Variants in PHRF1 observed in about 807,000 individuals in gnomAD.
PHRF1 encodes the protein PHD and RING finger domain-containing protein 1.
PHRF1 carries 53 observed loss-of-function variants against 128.9 expected under a neutral mutation model. The observed-to-expected ratio is 0.41, with a 90% CI of 0.33 to 0.52. The LOEUF is 0.52. Among genes scored for constraint, PHRF1 ranks in the 20% least tolerant of loss-of-function variants. PHRF1 has a pLI of 0.21. For missense variants in PHRF1, 2,503 were observed against 2,284.5 expected, an observed-to-expected ratio of 1.10 and a Z score of -1.95; for synonymous variants, 1,178 against 980.6, an observed-to-expected ratio of 1.20 and a Z score of -3.76.
Position 608,922 on chromosome 11 carries a change from C to A in PHRF1, c.3466C>A (p.Arg1156=). ...CAGGAAGGAGAGTGTGGCGTGGCCC[C>A]GAGACCGGAGGAAGCGGAGGTCCCG... The part of the protein sequence containing the change: ...PDRKESVAWP[R]DRRKRRSRSP... The change falls in exon 14 of 18, where the codon CGA becomes AGA. Residue 1156 remains arginine, a synonymous_variant. Transcript: ENST00000264555. 6.2e-7 allele frequency: 1 copy of A among 1,612,024 alleles called. No individual in the cohort carries two copies. The highest frequency in any genetic ancestry group is 8.5e-7 in the Non-Finnish European group (1 of 1,179,716).
In PHRF1 at chr11:610,659, G is replaced by A; in HGVS notation, c.4575G>A (p.Leu1525=). The A allele has an allele frequency of 6.2e-7, 1 of 1,604,138 alleles. No homozygotes were observed. The highest frequency in any genetic ancestry group is 8.5e-7 in the Non-Finnish European group (1 of 1,179,814). ...CCCTGGCCCCAGTGCCCGCTGCCCT[G>A]ACCCCAGCCTCAGAGCCAGCCAGTC... ...AQTLAPVPAA[L]TPASEPASQA... is the part of the protein sequence containing the mutation. The change falls in exon 16 of 18, where the codon CTG becomes CTA. Residue 1525 remains leucine (L), a synonymous_variant. Transcript: ENST00000264555.
intron 4 of PHRF1, 120 bp from the exon 5 acceptor site, chr11:591,264 T>G: frequency 1.2e-6 from 1 of 857,732 alleles, no homozygotes; most frequent in Non-Finnish European, 1.9e-6. Flanking sequence ...GCCAGCAGCT[T>G]AGTGGAGGGC....
In PHRF1 at chr11:607,609, A is replaced by G. The variant is rs376249758; in HGVS notation, c.2153A>G (p.Glu718Gly). The G allele has an allele frequency of 6.8e-6, 11 of 1,611,958 alleles. No homozygotes were observed. The highest frequency in any genetic ancestry group is 6.7e-5 in the East Asian group (3 of 44,824). ...SACISRLTGR[E>G]GTGQPGRGTR... ...TGCATCAGCCGACTGACTGGCAGGG[A>G]GGGCACCGGGCAGCCAGGGCGAGGC... is the stretch of plus-strand genomic sequence containing the variant. The change falls in exon 14 of 18, where the codon GAG (glutamate) becomes GGG (glycine). Residue 718 changes from glutamate to glycine, a missense_variant. By Grantham distance (98) the Glu-to-Gly change is moderately conservative (BLOSUM62 -2). Transcript: ENST00000264555.
chr11:608,362 A>C lies in PHRF1; in HGVS notation c.2906A>C (p.Glu969Ala). The change falls in exon 14 of 18, where the codon GAA becomes GCA. Residue 969 changes from glutamate (E) to alanine (A), a missense_variant. Glu to Ala is a moderately radical substitution (Grantham distance 107). Coordinates refer to ENST00000264555, the MANE Select transcript of PHRF1 (RefSeq NM_001286581.2). Reference sequence around the variant, plus strand: ...ACCTGTGTGACTGTCGTGGAGCCGGAAGCCCCACCCAGCCCGGACGTGCTG... The same window carrying C: ...ACCTGTGTGACTGTCGTGGAGCCGGCAGCCCCACCCAGCCCGGACGTGCTG... ...TVTCVTVVEP[E>A]APPSPDVLQA... 6.2e-7 allele frequency: 1 copy of C among 1,610,882 alleles called. No homozygotes were observed. The highest frequency in any genetic ancestry group is 8.5e-7 in the Non-Finnish European group (1 of 1,179,204).
chr11:583,729 T>C (rs910358065), intron 3 of PHRF1, among the ~76,000 whole-genome samples: 3 of 143,578 alleles, frequency 2.1e-5, no homozygotes, highest in African/African-American at 7.9e-5. Context: ...CGAGACGTTA[T>C]CTCAAACAAA....
rs1224530217 is a variant in PHRF1, at chr11:601,575, A to G, written c.1026A>G (p.Arg342=). 8.1e-6 allele frequency: 13 copies of G among 1,613,722 alleles called. No homozygotes were observed. Among genetic ancestry groups the G allele is most frequent in the Non-Finnish European group, 1.1e-5 (13 of 1,179,884 alleles). Residue 342 remains arginine (R), a splice_region_variant and synonymous_variant, in exon 10 of 18, where the codon AGA becomes AGG. Transcript: ENST00000264555. The part of the protein sequence containing the change: ...RTPARRKRKT[R]RRKKVPGRKK... ...CAGACTTCAACCTCTTTTCCTTAGGAAGACGGAAGAAAGTGCCGGGAAGAA... is the reference window on the plus strand; with the variant it reads ...CAGACTTCAACCTCTTTTCCTTAGGGAGACGGAAGAAAGTGCCGGGAAGAA...
Position 612,185 on chromosome 11 carries a change from G to T in PHRF1, c.*408G>T, listed in dbSNP as rs1370830136. ...CGCCAACAGCTGCTGTGTACCTTTG[G>T]CTCTGAATTAGGAATATCTTTACTT... On this transcript the variant is annotated 3_prime_UTR_variant, in exon 18 of 18. Coordinates refer to ENST00000264555, the MANE Select transcript of PHRF1 (RefSeq NM_001286581.2). 7 of 304,896 alleles carry T rather than the reference G, an allele frequency of 2.3e-5. No homozygotes were observed. The highest frequency in any genetic ancestry group is 4.3e-5 in the Non-Finnish European group (7 of 163,192). 18.9% of individuals were successfully genotyped at this position (304,896 alleles called of 1,614,324 possible). A position where few individuals can be genotyped will look rare whatever the true frequency, so the allele number is the denominator to read the frequency against.
intron 1 of PHRF1, among the ~76,000 whole-genome samples, chr11:577,176 G>T (rs1853915717): frequency 6.6e-6 from 1 of 152,208 alleles, no homozygotes; most frequent in Admixed American, 6.5e-5. Context: ...GTCCTCACAA[G>T]AGCCTCTCAG....
chr11:603,196 C>T (rs1855741310), intron 10 of PHRF1, among the ~76,000 whole-genome samples: 1 of 152,120 alleles, frequency 6.6e-6, no homozygotes, highest in Admixed American at 6.6e-5. Context: ...GCTGGGACTA[C>T]AGGCATAGCC....
chr11:583,127 T>A (rs977991694), intron 3 of PHRF1, among the ~76,000 whole-genome samples: 1 of 150,294 alleles, frequency 6.7e-6, no homozygotes, highest in Non-Finnish European at 1.5e-5. Flanking sequence ...GATCAGGAGG[T>A]CAGGAGATCG....
chr11:577,850 C>T (rs988731805), intron 1 of PHRF1, among the ~76,000 whole-genome samples: 1 of 152,258 alleles, frequency 6.6e-6, no homozygotes. Context: ...GTTGGGACTG[C>T]CAATGCATTG....
At position 608,623 on chromosome 11, in the gene PHRF1, G is replaced by C; in HGVS notation, c.3167G>C (p.Ser1056Thr). Reference sequence around the variant, plus strand: ...AAGGCCAAGAGCCGGCGGTCCTCCAGTGACCGCTCCAGCAGCCGAGAGCGA... The same window carrying C: ...AAGGCCAAGAGCCGGCGGTCCTCCACTGACCGCTCCAGCAGCCGAGAGCGA... ...RSKAKSRRSS[S>T]DRSSSRERAK... Residue 1056 changes from serine (S) to threonine (T), a missense_variant, in exon 14 of 18, where the codon AGT becomes ACT. Transcript: ENST00000264555. The C allele has an allele frequency of 6.2e-7, 1 of 1,612,230 alleles. No homozygotes were observed. The highest frequency in any genetic ancestry group is 1.3e-5 in the African/African-American group (1 of 75,058).
At position 581,503 on chromosome 11, in the gene PHRF1, A is replaced by G. The variant is rs755710646; in HGVS notation, c.-10A>G. On this transcript the variant is annotated 5_prime_UTR_variant, in exon 2 of 18. The change abolishes an upstream ATG in the 5' untranslated region. Coordinates refer to ENST00000264555, the MANE Select transcript of PHRF1 (RefSeq NM_001286581.2). The stretch of plus-strand genomic sequence containing the variant: ...CTTCTTTCTTTCAGAGCTGAGCTCA[A>G]TGTGCAGCAATGGATGACGACAGCC... 2.6e-5 allele frequency: 42 copies of G among 1,613,292 alleles called. No homozygotes were observed. Among genetic ancestry groups the G allele is most frequent in the South Asian group, 1.3e-4 (12 of 91,064 alleles).
intron 9 of PHRF1, among the ~76,000 whole-genome samples, chr11:599,667 C>T (rs529246174): frequency 6.6e-6 from 1 of 152,336 alleles, no homozygotes; most frequent in African/African-American, 2.4e-5. Flanking sequence ...GACCACACTT[C>T]AGCCCCACCA....
At chr11:604,972 TGCCTGAGAA>T in intron 10 of PHRF1, 138 bp from the exon 11 acceptor site, 1 of 780,020 alleles carries the variant, frequency 1.3e-6, no homozygotes, top group South Asian at 1.8e-5. Flanking sequence ...TCGGTCATCA[TGCCTGAGAA>T]GCCCATTGAC....
chr11:583,811 G>A (rs1021833509), intron 3 of PHRF1, among the ~76,000 whole-genome samples: 1 of 152,186 alleles, frequency 6.6e-6, no homozygotes, highest in African/African-American at 2.4e-5. Flanking sequence ...CATCACCCTC[G>A]GTGGTGCACA....
chr11:589,647 G>T (rs7115784), intron 4 of PHRF1, among the ~76,000 whole-genome samples: 4,991 of 152,364 alleles, frequency 0.033, 251 homozygotes, highest in African/African-American at 0.11. Flanking sequence ...GCCGGACGGA[G>T]TCAAGATCTC....
At chr11:578,272 C>G (rs1048563157) in intron 1 of PHRF1, among the ~76,000 whole-genome samples, 1 of 152,138 alleles carries the variant, frequency 6.6e-6, no homozygotes, top group Non-Finnish European at 1.5e-5. Flanking sequence ...CAAAATAGCC[C>G]CTGGTTACTT....
Position 609,469 on chromosome 11 carries a change from C to T in PHRF1, c.4013C>T (p.Pro1338Leu), listed in dbSNP as rs760475015. The change falls in exon 14 of 18, where the codon CCA (proline) becomes CTA (leucine). Residue 1338 changes from proline to leucine, a missense_variant. Transcript: ENST00000264555. ...DEDPSQPPPL[P>L]EGTQEPHLLR... ...GACCCTTCGCAGCCCCCACCCCTGC[C>T]AGAGGGCACCCAGGAGCCACATTTG... 1 of 1,605,308 alleles carries T rather than the reference C, an allele frequency of 6.2e-7. No individual in the cohort carries two copies. Among genetic ancestry groups the T allele is most frequent in the African/African-American group, 1.3e-5 (1 of 74,898 alleles).
Sources: gnomAD v4.1 joint callset for allele counts (sites outside exome capture counted in the v4.1 genomes callset) on GRCh38, gnomAD v4.1.1 for gene constraint, MANE v1.5 for transcripts, NCBI Gene and HGNC (gene_info 2026-07-23, HGNC 2026-07-21) for gene names.